HYDIN: variants seen among roughly 807,000 people sequenced by gnomAD.
HYDIN encodes axonemal central pair apparatus protein HYDIN.
Under a neutral mutation model 403.9 loss-of-function variants are expected in HYDIN, and 132 were observed. The ratio of observed to expected loss-of-function variants is 0.33; its 90% confidence interval spans 0.28 to 0.38. The LOEUF (loss-of-function observed/expected upper bound fraction) is 0.38. HYDIN is among the 10% of genes least tolerant of loss of function. The probability of loss-of-function intolerance (pLI) is 1.00; values close to 1 mark genes in which losing one functional copy is unlikely to be tolerated. For synonymous variants in HYDIN, 1,202 were observed against 1,891.7 expected (o/e 0.64, Z 9.46); for missense variants, 2,827 against 5,009.5 (o/e 0.56, Z 13.15).
intron 3 of HYDIN, among the ~76,000 whole-genome samples, chr16:71,181,093 G>C (rs1178728001): frequency 6.6e-6 from 1 of 151,600 alleles, no homozygotes; most frequent in Non-Finnish European, 1.5e-5. Context: ...AATTAAGGAA[G>C]ACCTAACTGA....
intron 41 of HYDIN, among the ~76,000 whole-genome samples, chr16:70,950,017 A>G (rs1214763844): frequency 2.7e-5 from 4 of 150,858 alleles, no homozygotes; most frequent in Non-Finnish European, 5.9e-5. Flanking sequence ...AAGAGGGTGA[A>G]AAGGATAGTG....
intron 23 of HYDIN, among the ~76,000 whole-genome samples, chr16:70,997,139 A>C (rs955105046): frequency 6.7e-6 from 1 of 150,144 alleles, no homozygotes; most frequent in African/African-American, 2.5e-5. Flanking sequence ...TCCTGTGAGA[A>C]TCTAATGCCG....
intron 1 of HYDIN, among the ~76,000 whole-genome samples, chr16:71,230,008 C>T (rs2041211059): frequency 6.6e-6 from 1 of 152,082 alleles, no homozygotes; most frequent in Non-Finnish European, 1.5e-5. Context: ...GGGGAGGTTC[C>T]CCTGCACATG....
intron 1 of HYDIN, among the ~76,000 whole-genome samples, chr16:71,200,673 A>C (rs958845664): frequency 6.6e-6 from 1 of 152,238 alleles, no homozygotes. Context: ...GACCCTTCTC[A>C]CTTGAAGAAC....
chr16:71,043,805 A>G (rs1282799251), intron 18 of HYDIN, among the ~76,000 whole-genome samples: 1 of 151,876 alleles, frequency 6.6e-6, no homozygotes, highest in African/African-American at 2.4e-5. Flanking sequence ...GTAAAGCACT[A>G]AGGCTGAGTG....
rs2035069878 is a variant in HYDIN at position 70,805,506 on chromosome 16, GC to G, written c.*2073del. Among the ~76,000 whole-genome samples, 1 of 152,170 alleles carries G rather than the reference GC, an allele frequency of 6.6e-6. No homozygotes were observed. The highest frequency in any genetic ancestry group is 1.5e-5 in the Non-Finnish European group (1 of 68,024). ...ACTGGTTAGAAATGCAGATTCTCAAGCCCCACCCAAATCTCCTAGATCGGAC... is the reference window on the plus strand; with the variant it reads ...ACTGGTTAGAAATGCAGATTCTCAAGCCCACCCAAATCTCCTAGATCGGAC... On this transcript the variant is annotated 3_prime_UTR_variant, in exon 86 of 86. Coordinates refer to ENST00000393567, the MANE Select transcript of HYDIN (RefSeq NM_001270974.2).
At chr16:71,021,772 G>T (rs1014530600) in intron 21 of HYDIN, among the ~76,000 whole-genome samples, 1 of 152,070 alleles carries the variant, frequency 6.6e-6, no homozygotes, top group African/African-American at 2.4e-5. Flanking sequence ...GTTTTCATTT[G>T]CCTTTTCTCT....
intron 21 of HYDIN, among the ~76,000 whole-genome samples, chr16:71,022,203 C>T (rs1597570623): frequency 6.6e-6 from 1 of 152,010 alleles, no homozygotes; most frequent in South Asian, 2.1e-4. Context: ...ACAGAAGCCA[C>T]ACTTGGTTGG....
chr16:71,168,097 C>T (rs1360963714), intron 5 of HYDIN, among the ~76,000 whole-genome samples: 3 of 152,022 alleles, frequency 2.0e-5, no homozygotes, highest in African/African-American at 7.2e-5. Context: ...GTGGGTGGAT[C>T]GCCTGAGGTC....
intron 13 of HYDIN, among the ~76,000 whole-genome samples, chr16:71,069,945 C>T (rs1000362698): frequency 1.3e-5 from 2 of 152,150 alleles, no homozygotes; most frequent in African/African-American, 4.8e-5. Context: ...AAAGAAAAAG[C>T]CTGCATGGTT....
chr16:70,908,463 T>C (rs1433147918), intron 48 of HYDIN, 29 bp from the exon 49 acceptor site: 4 of 967,584 alleles, frequency 4.1e-6, no homozygotes, highest in Non-Finnish European at 6.1e-6. Context: ...GTTTATAAAG[T>C]GAGAGTGCTC....
chr16:71,196,894 A>G (rs2087722479), intron 1 of HYDIN, among the ~76,000 whole-genome samples: 1 of 152,212 alleles, frequency 6.6e-6, no homozygotes, highest in African/African-American at 2.4e-5. Flanking sequence ...AGGCATGAAT[A>G]ATCCACCCCT....
chr16:70,992,925 T>C (rs2144048847), intron 23 of HYDIN, among the ~76,000 whole-genome samples: 2 of 152,358 alleles, frequency 1.3e-5, no homozygotes, highest in South Asian at 4.1e-4. Flanking sequence ...CCATTCTTCC[T>C]GTTTCCCCTT....
At chr16:71,175,786 C>T (rs772918390) in intron 4 of HYDIN, 45 bp from the exon 5 acceptor site, 4 of 1,600,616 alleles carry the variant, frequency 2.5e-6, no homozygotes, top group Admixed American at 1.7e-5. Flanking sequence ...TGTGAAAAAG[C>T]AGAGTTAAAC....
chr16:70,851,478 C>T (rs1449864608), intron 73 of HYDIN, among the ~76,000 whole-genome samples: 1 of 147,976 alleles, frequency 6.8e-6, no homozygotes, highest in Non-Finnish European at 1.5e-5. Flanking sequence ...TAAAGAAATG[C>T]TTCACATTAC....
intron 77 of HYDIN, among the ~76,000 whole-genome samples, chr16:70,836,882 T>C (rs1259748270): frequency 6.6e-6 from 1 of 152,282 alleles, no homozygotes; most frequent in East Asian, 1.9e-4. Context: ...GGAAAATGAA[T>C]GAATCAATGG....
rs374853663 is a variant in HYDIN, at chr16:71,110,620, A to C, written c.1327+5076T>G. 6.8e-3 allele frequency among the ~76,000 whole-genome samples: 1,023 copies of C among 151,448 alleles called. 6 individuals are homozygous for C. The highest frequency in any genetic ancestry group is 0.024 in the African/African-American group (979 of 41,224). On this transcript the variant is annotated intron_variant, in intron 10 of 85. Transcript: ENST00000393567. ...AAGGAAACAACTATCATAAAAGTCA[A>C]GGTGATGGTTTTATCGAGGGAAGGT...
At chr16:70,881,551 T>G (rs1477440867) in intron 60 of HYDIN, among the ~76,000 whole-genome samples, 1 of 142,932 alleles carries the variant, frequency 7.0e-6, no homozygotes, top group South Asian at 2.2e-4. Context: ...GAGCTTGCAG[T>G]GAGCTGAGAT....
chr16:70,930,272 G>A (rs1229896685), intron 45 of HYDIN, among the ~76,000 whole-genome samples: 1 of 152,238 alleles, frequency 6.6e-6, no homozygotes, highest in Admixed American at 6.5e-5. Flanking sequence ...CCTGAGGTCA[G>A]GAGTTCCACA....
Sources: gnomAD v4.1 joint callset for allele counts (sites outside exome capture counted in the v4.1 genomes callset) on GRCh38, gnomAD v4.1.1 for gene constraint, MANE v1.5 for transcripts, NCBI Gene and HGNC (gene_info 2026-07-23, HGNC 2026-07-21) for gene names.